The following PRELID2 variants were observed in gnomAD, a reference collection of about 807,000 sequenced individuals.
PRELID2 encodes the protein PRELI domain-containing protein 2.
A neutral mutation model predicts 28.4 loss-of-function variants in PRELID2; 25 were observed. That is an observed-to-expected ratio of 0.88 (90% CI 0.64 to 1.23). The LOEUF is 1.23. PRELID2 is among the 50% of genes most tolerant of loss of function. The pLI, the probability that PRELID2 is intolerant of heterozygous loss-of-function variation, is 0.00. For synonymous variants in PRELID2, 76 were observed against 71.6 expected (o/e 1.06, Z -0.31); for missense variants, 201 against 214.4 (o/e 0.94, Z 0.39).
chr5:145,335,989 A>T, the PRELID2 span, among the ~76,000 whole-genome samples: 21 of 152,122 alleles, frequency 1.4e-4, no homozygotes, highest in African/African-American at 4.8e-4. Flanking sequence ...ATGGTATCTC[A>T]TTGTGGTTTT....
At chr5:145,402,586 G>T in the PRELID2 span, among the ~76,000 whole-genome samples, 1 of 152,166 alleles carries the variant, frequency 6.6e-6, no homozygotes, top group African/African-American at 2.4e-5. Flanking sequence ...TTCTCACTGG[G>T]TGTGTGACCT....
Position 145,758,048 on chromosome 5 carries a change from T to C in PRELID2, c.*2488A>G, listed in dbSNP as rs2149758338. 6.6e-6 allele frequency among the ~76,000 whole-genome samples: 1 copy of C among 152,298 alleles called. No individual in the cohort carries two copies. Among genetic ancestry groups the C allele is most frequent in the African/African-American group, 2.4e-5 (1 of 41,572 alleles). ...AAAGCTTGGCCAGGATGTTTAGGCC[T>C]GTCCTTAACACTCTGGAAGCAGAGG... On this transcript the variant is annotated 3_prime_UTR_variant, in exon 7 of 7. Coordinates refer to ENST00000683046, the MANE Select transcript of PRELID2 (RefSeq NM_205846.3).
intron 1 of PRELID2, among the ~76,000 whole-genome samples, chr5:145,584,753 G>A (rs947350658): frequency 2.0e-5 from 3 of 152,120 alleles, no homozygotes; most frequent in African/African-American, 4.8e-5. Context: ...CCACCAGTCA[G>A]AATGGTGATT....
chr5:145,613,339 C>T (rs951330803), intron 1 of PRELID2, among the ~76,000 whole-genome samples: 10 of 151,686 alleles, frequency 6.6e-5, no homozygotes, highest in African/African-American at 1.2e-4. Flanking sequence ...TACATGTGCA[C>T]AACATGCAGG....
At chr5:145,447,138 C>T in the PRELID2 span, among the ~76,000 whole-genome samples, 1 of 151,528 alleles carries the variant, frequency 6.6e-6, no homozygotes, top group Admixed American at 6.6e-5. Flanking sequence ...ATAGTCCTGA[C>T]ACAGTTAATT....
At chr5:145,741,732 TATAA>T (rs1479390470) in intron 1 of PRELID2, among the ~76,000 whole-genome samples, 2 of 110,344 alleles carry the variant, frequency 1.8e-5, no homozygotes, top group Non-Finnish European at 3.4e-5. Flanking sequence ...AAAATTTATT[TATAA>T]ATAATTTATT....
the PRELID2 span, among the ~76,000 whole-genome samples, chr5:145,265,356 A>G: frequency 6.6e-6 from 1 of 152,180 alleles, no homozygotes; most frequent in Non-Finnish European, 1.5e-5. Context: ...ATGCTCACAC[A>G]TGGGTAGAAT....
At chr5:145,637,692 A>T (rs1204301537) in intron 1 of PRELID2, among the ~76,000 whole-genome samples, 2 of 152,178 alleles carry the variant, frequency 1.3e-5, no homozygotes, top group Non-Finnish European at 2.9e-5. Context: ...AGAGTGTGGG[A>T]GGAAACACAG....
the PRELID2 span, among the ~76,000 whole-genome samples, chr5:145,289,983 G>A: frequency 0.4 from 60,804 of 151,830 alleles, 13,210 homozygotes; most frequent in African/African-American, 0.57. Context: ...AATGCAGCCA[G>A]CAGACACATG....
chr5:145,351,435 G>A, the PRELID2 span, among the ~76,000 whole-genome samples: 2,359 of 152,170 alleles, frequency 0.016, 55 homozygotes, highest in African/African-American at 0.053. Flanking sequence ...CAGATCTTGC[G>A]AGAACTCACT....
chr5:145,577,285 A>G (rs10074797), intron 1 of PRELID2, among the ~76,000 whole-genome samples: 29,360 of 152,102 alleles, frequency 0.19, 5,019 homozygotes, highest in African/African-American at 0.45. Context: ...TGAACTACCT[A>G]GCAAATAATT....
chr5:145,623,407 C>T (rs530510137), intron 1 of PRELID2, among the ~76,000 whole-genome samples: 1 of 151,268 alleles, frequency 6.6e-6, no homozygotes, highest in Non-Finnish European at 1.5e-5. Flanking sequence ...AAGATCATGC[C>T]ACTGCACTCC....
intron 1 of PRELID2, among the ~76,000 whole-genome samples, chr5:145,503,193 T>C (rs1299601199): frequency 6.6e-6 from 1 of 152,094 alleles, no homozygotes; most frequent in Non-Finnish European, 1.5e-5. Context: ...GAAAGCTCCA[T>C]GAGGAGTGAT....
the PRELID2 span, among the ~76,000 whole-genome samples, chr5:145,385,793 C>T: frequency 1.8e-4 from 27 of 152,206 alleles, no homozygotes; most frequent in Admixed American, 1.6e-3. Flanking sequence ...TCCTTCAAGG[C>T]CCAACTCAAA....
chr5:145,662,611 T>C (rs1392803565), intron 1 of PRELID2, among the ~76,000 whole-genome samples: 2 of 152,138 alleles, frequency 1.3e-5, no homozygotes, highest in Non-Finnish European at 2.9e-5. Context: ...CATTAATGGA[T>C]TAATTCACTT....
chr5:145,341,936 A>G, the PRELID2 span, among the ~76,000 whole-genome samples: 34 of 152,338 alleles, frequency 2.2e-4, no homozygotes, highest in East Asian at 4.4e-3. Context: ...ATGCAAAAGG[A>G]TCTTCTCTAC....
intron 1 of PRELID2, among the ~76,000 whole-genome samples, chr5:145,746,138 A>G (rs1195388520): frequency 1.3e-5 from 2 of 152,196 alleles, no homozygotes; most frequent in East Asian, 3.9e-4. Flanking sequence ...TAGCATCATG[A>G]TGACCAGATC....
chr5:145,500,690 G>A (rs1202615833), intron 1 of PRELID2, among the ~76,000 whole-genome samples: 1 of 152,150 alleles, frequency 6.6e-6, no homozygotes, highest in Non-Finnish European at 1.5e-5. Flanking sequence ...AAAATTACCA[G>A]TGTAGGAAAG....
chr5:145,365,426 T>G, the PRELID2 span, among the ~76,000 whole-genome samples: 8 of 142,560 alleles, frequency 5.6e-5, no homozygotes, highest in South Asian at 4.8e-4. Flanking sequence ...AAAATAAAAT[T>G]TTATAAATTT....
Sources: gnomAD v4.1 joint callset for allele counts (sites outside exome capture counted in the v4.1 genomes callset) on GRCh38, gnomAD v4.1.1 for gene constraint, MANE v1.5 for transcripts, NCBI Gene and HGNC (gene_info 2026-07-23, HGNC 2026-07-21) for gene names.